Variants in PRH1 observed in about 807,000 individuals in gnomAD.
The protein encoded by PRH1 is salivary acidic proline-rich phosphoprotein 1/2.
Under a neutral mutation model 7.9 loss-of-function variants are expected in PRH1, and 7 were observed. That is an observed-to-expected ratio of 0.89 (90% CI 0.50 to 1.67). PRH1 has a LOEUF of 1.67. PRH1 is among the 40% of genes most tolerant of loss of function. The pLI, the probability that PRH1 is intolerant of heterozygous loss-of-function variation, is 0.00. For synonymous variants in PRH1, 45 were observed against 80.8 expected (o/e 0.56, Z 2.38); for missense variants, 109 against 223.6 (o/e 0.49, Z 3.27).
chr12:11,165,401 G>A (rs1332190074), intron 1 of PRH1, among the ~76,000 whole-genome samples: 1 of 151,992 alleles, frequency 6.6e-6, no homozygotes, highest in Non-Finnish European at 1.5e-5. Flanking sequence ...TCTCCAGTCT[G>A]TTGATAAATT....
intron 1 of PRH1, chr12:10,997,636 T>C (rs775772009): frequency 1.9e-6 from 3 of 1,613,704 alleles, no homozygotes; most frequent in Non-Finnish European, 2.5e-6. Context: ...TAAAAATTAT[T>C]ACTTTTAAAT....
At chr12:11,145,171 A>C (rs1946826156) in intron 1 of PRH1, among the ~76,000 whole-genome samples, 1 of 151,972 alleles carries the variant, frequency 6.6e-6, no homozygotes, top group African/African-American at 2.4e-5. Context: ...ACATGTGCCT[A>C]TACTTTTTTT....
intron 1 of PRH1, among the ~76,000 whole-genome samples, chr12:11,031,871 T>C (rs1479728680): frequency 1.3e-5 from 2 of 152,186 alleles, no homozygotes; most frequent in African/African-American, 2.4e-5. Flanking sequence ...TCTCTCAATG[T>C]AATATAACTG....
intron 1 of PRH1, among the ~76,000 whole-genome samples, chr12:11,058,547 T>C (rs1262278092): frequency 6.6e-6 from 1 of 152,294 alleles, no homozygotes; most frequent in Non-Finnish European, 1.5e-5. Context: ...AATATTGCTC[T>C]GACTCATTAA....
chr12:10,945,931 T>G (rs973279559), intron 2 of PRH1, among the ~76,000 whole-genome samples: 3 of 152,242 alleles, frequency 2.0e-5, no homozygotes, highest in Admixed American at 2.0e-4. Context: ...TATGGCTCTG[T>G]TCCACCTAGC....
chr12:10,972,930 C>CCT (rs1308294469), intron 2 of PRH1, among the ~76,000 whole-genome samples: 1 of 128,994 alleles, frequency 7.8e-6, no homozygotes, highest in East Asian at 2.3e-4. Flanking sequence ...GCACCACAAC[C>CCT]CACCCCCCCC....
chr12:11,057,225 T>G (rs1038175209), intron 1 of PRH1, among the ~76,000 whole-genome samples: 2 of 152,184 alleles, frequency 1.3e-5, no homozygotes, highest in African/African-American at 2.4e-5. Context: ...AGGGAACTCC[T>G]GCTCTCAAGG....
intron 2 of PRH1, among the ~76,000 whole-genome samples, chr12:10,958,394 C>T (rs779938788): frequency 2.6e-4 from 39 of 151,884 alleles, no homozygotes; most frequent in Non-Finnish European, 4.4e-4. Context: ...ACAGACACCA[C>T]GGTCTATGTG....
intron 2 of PRH1, among the ~76,000 whole-genome samples, chr12:10,935,884 A>T (rs999694771): frequency 6.6e-6 from 1 of 152,124 alleles, no homozygotes; most frequent in Non-Finnish European, 1.5e-5. Flanking sequence ...TTTAAGAAAA[A>T]ACTTTCAAGG....
chr12:11,027,525 G>A (rs1941976562), intron 1 of PRH1, among the ~76,000 whole-genome samples: 1 of 152,218 alleles, frequency 6.6e-6, no homozygotes, highest in African/African-American at 2.4e-5. Flanking sequence ...CACTACAAAA[G>A]AGACACAATG....
chr12:10,956,466 T>C (rs1472986719), intron 2 of PRH1, among the ~76,000 whole-genome samples: 2 of 152,096 alleles, frequency 1.3e-5, no homozygotes, highest in African/African-American at 2.4e-5. Context: ...GCCAATATCA[T>C]ACTAAATGGG....
At chr12:11,065,024 G>C (rs953066686) in intron 1 of PRH1, among the ~76,000 whole-genome samples, 3 of 151,984 alleles carry the variant, frequency 2.0e-5, no homozygotes, top group African/African-American at 4.8e-5. Flanking sequence ...ACACCAGATT[G>C]AGACTCCAAC....
intron 1 of PRH1, chr12:11,022,703 G>T (rs1211682553): frequency 3.0e-6 from 2 of 668,306 alleles, no homozygotes; most frequent in Non-Finnish European, 5.0e-6. Context: ...TCAGTGACTA[G>T]TGTCAACAGG....
intron 2 of PRH1, among the ~76,000 whole-genome samples, chr12:10,904,355 G>A (rs1244372078): frequency 1.3e-5 from 2 of 151,978 alleles, no homozygotes. Context: ...ACAGAATAGA[G>A]AACCCAGAAA....
upstream of PRH1, among the ~76,000 whole-genome samples, chr12:11,050,508 C>T (rs1943098866): frequency 1.3e-5 from 2 of 152,218 alleles, no homozygotes; most frequent in Admixed American, 1.3e-4. Flanking sequence ...ACGAACATGT[C>T]ACAGTGCTGC....
chr12:10,893,965 G>C (rs567721492), intron 2 of PRH1, among the ~76,000 whole-genome samples: 10 of 152,192 alleles, frequency 6.6e-5, no homozygotes, highest in Admixed American at 6.5e-4. Context: ...TTTAAGAGGA[G>C]ACGTTCTTAT....
intron 1 of PRH1, among the ~76,000 whole-genome samples, chr12:11,150,670 T>G (rs1947050950): frequency 6.6e-6 from 1 of 151,418 alleles, no homozygotes; most frequent in Non-Finnish European, 1.5e-5. Flanking sequence ...GGGACAGTTG[T>G]GGGGTTGGGG....
intron 1 of PRH1, chr12:11,133,252 A>G: frequency 6.4e-7 from 1 of 1,554,222 alleles, no homozygotes. Context: ...TAAGAAATAT[A>G]AAATGTTTCA....
intron 2 of PRH1, among the ~76,000 whole-genome samples, chr12:10,961,338 A>C (rs1164602851): frequency 6.6e-6 from 1 of 150,928 alleles, no homozygotes; most frequent in Admixed American, 6.6e-5. Flanking sequence ...AACAATGATA[A>C]AATCAGAAGA....
Sources: allele counts gnomAD v4.1 joint callset (sites outside exome capture counted in the v4.1 genomes callset), GRCh38; gene constraint gnomAD v4.1.1; transcripts MANE v1.5; gene names NCBI Gene and HGNC (gene_info 2026-07-23, HGNC 2026-07-21).